Variants in DAB1 observed in about 807,000 individuals in gnomAD.
DAB1 encodes DAB adaptor protein 1.
A neutral mutation model predicts 64.6 loss-of-function variants in DAB1; 15 were observed. The observed-to-expected ratio is 0.23, with a 90% confidence interval of 0.16 to 0.36. The LOEUF (loss-of-function observed/expected upper bound fraction) is 0.36. Ranked by LOEUF, DAB1 falls within the 10% of genes least tolerant of loss-of-function variation. The probability of loss-of-function intolerance (pLI) is 1.00; values close to 1 mark genes in which losing one functional copy is unlikely to be tolerated. For synonymous variants in DAB1, 235 were observed against 251.9 expected (o/e 0.93, Z 0.64); for missense variants, 596 against 706.7 (o/e 0.84, Z 1.78).
At chr1:57,848,025 A>T (rs1222274148) in intron 1 of DAB1, among the ~76,000 whole-genome samples, 1 of 152,240 alleles carries the variant, frequency 6.6e-6, no homozygotes, top group East Asian at 1.9e-4. Context: ...ATTTTAAAAC[A>T]GTTGCACTGT....
chr1:57,867,437 A>T (rs576121859), intron 1 of DAB1: 1 of 152,258 alleles, frequency 6.6e-6, no homozygotes, highest in African/African-American at 2.4e-5. Context: ...AACTGTATGA[A>T]TTGCTAAGAA....
At chr1:58,503,070 A>G (rs566574100) in intron 3 of DAB1, among the ~76,000 whole-genome samples, 1 of 152,240 alleles carries the variant, frequency 6.6e-6, no homozygotes, top group Non-Finnish European at 1.5e-5. Flanking sequence ...GAAGATGCTC[A>G]GTAATTTGAT....
In DAB1 at chr1:57,606,975, C is replaced by T. The variant is rs371018740; in HGVS notation, n.625+42617G>A. Among the ~76,000 whole-genome samples, 96 of 151,352 alleles carry T rather than the reference C, an allele frequency of 6.3e-4. 1 individual carries two copies. The highest frequency in any genetic ancestry group is 5.6e-4 in the African/African-American group (23 of 41,214). Reference sequence around the variant, plus strand: ...GATATTTTGGTATTTTTAATAGAGACGGGGTGTCACCATTTTGGCCAGGCT... The same window carrying T: ...GATATTTTGGTATTTTTAATAGAGATGGGGTGTCACCATTTTGGCCAGGCT... On this transcript the variant is annotated intron_variant and non_coding_transcript_variant, in intron 7 of 20. Coordinates refer to the DAB1 transcript ENST00000485760.
chr1:57,658,960 T>C, intron 6 of DAB1, among the ~76,000 whole-genome samples: 1 of 152,208 alleles, frequency 6.6e-6, no homozygotes, highest in East Asian at 1.9e-4. Flanking sequence ...CTGGAAATTC[T>C]CATTTTAGGA....
chr1:57,080,866 T>C (rs1294642046), intron 4 of DAB1, among the ~76,000 whole-genome samples: 3 of 152,158 alleles, frequency 2.0e-5, no homozygotes, highest in Non-Finnish European at 4.4e-5. Flanking sequence ...TGGCTACGTA[T>C]AATCACAGTT....
chr1:57,240,400 G>T (rs935039829), intron 2 of DAB1, among the ~76,000 whole-genome samples: 1 of 152,138 alleles, frequency 6.6e-6, no homozygotes, highest in Non-Finnish European at 1.5e-5. Flanking sequence ...ATCTACAGTG[G>T]TCATACACTG....
At chr1:57,862,079 G>C (rs1317755362) in intron 1 of DAB1, among the ~76,000 whole-genome samples, 1 of 152,068 alleles carries the variant, frequency 6.6e-6, no homozygotes. Context: ...GAATCTTTAA[G>C]ATTTCTACCC....
chr1:57,985,907 A>G (rs996916713), intron 5 of DAB1, among the ~76,000 whole-genome samples: 2 of 152,216 alleles, frequency 1.3e-5, no homozygotes, highest in African/African-American at 4.8e-5. Flanking sequence ...CTCTGCAAGG[A>G]GCTTCCCATC....
At chr1:58,176,191 A>G (rs1204941004) in intron 4 of DAB1, among the ~76,000 whole-genome samples, 1 of 152,242 alleles carries the variant, frequency 6.6e-6, no homozygotes, top group Non-Finnish European at 1.5e-5. Context: ...GTGCCATCTT[A>G]GAAAGCTCTT....
chr1:58,166,156 G>A (rs1655820798), intron 4 of DAB1, among the ~76,000 whole-genome samples: 1 of 151,952 alleles, frequency 6.6e-6, no homozygotes, highest in South Asian at 2.1e-4. Flanking sequence ...TATTTTTAAA[G>A]CTCTATTGAG....
intron 2 of DAB1, among the ~76,000 whole-genome samples, chr1:57,235,199 A>G (rs1668005437): frequency 6.6e-6 from 1 of 152,204 alleles, no homozygotes; most frequent in African/African-American, 2.4e-5. Context: ...TTGGACTCCC[A>G]CTTTGCCACT....
chr1:57,233,255 C>CTTTTTTTTTTTTTTTT (rs1186221366), intron 2 of DAB1, among the ~76,000 whole-genome samples: 8 of 60,808 alleles, frequency 1.3e-4, no homozygotes, highest in East Asian at 7.0e-4. Flanking sequence ...TGCTCCGATT[C>CTTTTTTTTTTTTTTTT]TTTTTTTTTT....
At chr1:57,307,907 CCTT>C (rs1311246594) in intron 1 of DAB1, among the ~76,000 whole-genome samples, 2 of 152,174 alleles carry the variant, frequency 1.3e-5, no homozygotes, top group African/African-American at 2.4e-5. Flanking sequence ...GACCAGGTCT[CCTT>C]CTCCATCTGC....
chr1:58,445,100 C>A (rs1275893907), intron 3 of DAB1, among the ~76,000 whole-genome samples: 1 of 152,156 alleles, frequency 6.6e-6, no homozygotes, highest in Non-Finnish European at 1.5e-5. Context: ...GACTTTTGGT[C>A]CTGGGCAAAC....
At chr1:58,385,114 A>T (rs998370864) in intron 3 of DAB1, among the ~76,000 whole-genome samples, 3 of 152,350 alleles carry the variant, frequency 2.0e-5, no homozygotes, top group Admixed American at 6.5e-5. Flanking sequence ...CAACAACAAA[A>T]AACAAAGAGA....
intron 6 of DAB1, among the ~76,000 whole-genome samples, chr1:57,671,406 T>C (rs1472669761): frequency 6.6e-6 from 1 of 152,122 alleles, no homozygotes; most frequent in Admixed American, 6.6e-5. Flanking sequence ...CATTTGTCGA[T>C]TCCCAATTTA....
chr1:57,234,928 T>G (rs1260575360), intron 2 of DAB1, among the ~76,000 whole-genome samples: 1 of 152,234 alleles, frequency 6.6e-6, no homozygotes, highest in East Asian at 1.9e-4. Context: ...ATCTTTCTCT[T>G]GCTTTGAATG....
intron 7 of DAB1, among the ~76,000 whole-genome samples, chr1:57,528,181 A>T (rs998610786): frequency 6.6e-6 from 1 of 152,160 alleles, no homozygotes; most frequent in African/African-American, 2.4e-5. Flanking sequence ...TGAAACCTGT[A>T]ACAAGGAAGC....
At chr1:57,335,670 C>T (rs1677023841) in intron 1 of DAB1, among the ~76,000 whole-genome samples, 1 of 152,102 alleles carries the variant, frequency 6.6e-6, no homozygotes, top group African/African-American at 2.4e-5. Flanking sequence ...ACATGGCATA[C>T]CCCTGCTCAT....
Sources: gnomAD v4.1 joint callset for allele counts (sites outside exome capture counted in the v4.1 genomes callset) on GRCh38, gnomAD v4.1.1 for gene constraint, MANE v1.5 for transcripts, NCBI Gene and HGNC (gene_info 2026-07-23, HGNC 2026-07-21) for gene names.